The following SLC7A11 variants were observed in gnomAD, a reference collection of about 807,000 sequenced individuals.
SLC7A11 encodes cystine/glutamate transporter.
In SLC7A11, 35 loss-of-function variants were observed where a neutral mutation model predicts 54.5. The observed-to-expected ratio is 0.64, with a 90% CI of 0.49 to 0.85. The LOEUF (loss-of-function observed/expected upper bound fraction) is 0.85, where lower values mean the gene tolerates loss of function less well. Ranked by LOEUF, SLC7A11 falls within the 40% of genes least tolerant of loss-of-function variation. The probability of loss-of-function intolerance (pLI) is 0.00; values close to 1 mark genes in which losing one functional copy is unlikely to be tolerated. For missense variants in SLC7A11, 583 were observed against 618.1 expected (o/e 0.94, Z 0.60); for synonymous variants, 230 against 225.2 (o/e 1.02, Z -0.19).
chr4:138,231,313 A>G (rs551503946), intron 3 of SLC7A11, among the ~76,000 whole-genome samples: 66 of 150,952 alleles, frequency 4.4e-4, no homozygotes, highest in African/African-American at 1.5e-3. Context: ...ACACAACTGC[A>G]CTGTACCCCC....
rs1324399885 is a variant in SLC7A11, at chr4:138,170,000, T to C, written c.*1956A>G. The C allele has an allele frequency of 6.6e-6, 1 of 151,632 alleles. No homozygotes were observed. Among genetic ancestry groups the C allele is most frequent in the African/African-American group, 2.4e-5 (1 of 41,320 alleles). 9.4% of individuals were successfully genotyped at this position (151,632 alleles called of 1,614,324 possible). A position where few individuals can be genotyped will look rare whatever the true frequency, so the allele number is the denominator to read the frequency against. On this transcript the variant is annotated 3_prime_UTR_variant, in exon 12 of 12. Coordinates refer to ENST00000280612, the MANE Select transcript of SLC7A11 (RefSeq NM_014331.4). ...AAATGCTCCAAATTATAGGTCATCA[T>C]TTCTACTTTGGACAATTTTTTATGA...
chr4:138,201,295 C>A (rs1737280496), intron 6 of SLC7A11, among the ~76,000 whole-genome samples: 1 of 152,020 alleles, frequency 6.6e-6, no homozygotes. Flanking sequence ...TTGATCACTG[C>A]ATTCTCAATA....
At chr4:138,234,648 T>C (rs946048503) in intron 2 of SLC7A11, among the ~76,000 whole-genome samples, 4 of 152,226 alleles carry the variant, frequency 2.6e-5, no homozygotes, top group African/African-American at 7.2e-5. Context: ...GATCTCTTTT[T>C]ATTGCCATTT....
rs1043369824 is a variant in SLC7A11 at position 138,166,271 on chromosome 4, C to G, written c.*5685G>C. 1 of 152,042 alleles carries G rather than the reference C, an allele frequency of 6.6e-6. No homozygotes were observed. The highest frequency in any genetic ancestry group is 1.5e-5 in the Non-Finnish European group (1 of 68,000). 9.4% of individuals were successfully genotyped at this position (152,042 alleles called of 1,614,324 possible). On this transcript the variant is annotated 3_prime_UTR_variant, in exon 12 of 12. Coordinates refer to ENST00000280612, the MANE Select transcript of SLC7A11 (RefSeq NM_014331.4). ...AATTTGATGTCTAAATTTTATAATA[C>G]ACATTTAAGTCAGACCACTCACAAC...
intron 3 of SLC7A11, among the ~76,000 whole-genome samples, chr4:138,225,162 ATATAT>A (rs1737916401): frequency 6.9e-6 from 1 of 145,788 alleles, no homozygotes; most frequent in Non-Finnish European, 1.5e-5. Context: ...ATATATATAT[ATATAT>A]ATATAAATAA....
At chr4:138,218,716 C>A (rs1274920805) in intron 5 of SLC7A11, among the ~76,000 whole-genome samples, 1 of 152,058 alleles carries the variant, frequency 6.6e-6, no homozygotes, top group Non-Finnish European at 1.5e-5. Context: ...ATGTAAGGTC[C>A]TTTTAAATGT....
At chr4:138,182,519 C>T in intron 8 of SLC7A11, 126 bp from the exon 9 acceptor site, 1 of 605,654 alleles carries the variant, frequency 1.7e-6, no homozygotes, top group East Asian at 2.8e-5. Flanking sequence ...TAGGTGATTG[C>T]CTAAGTTCAC....
rs1259875038 is a variant in SLC7A11, at chr4:138,219,307, C to T, written c.705G>A (p.Leu235=). Residue 235 remains leucine (L), a synonymous_variant, in exon 5 of 12, where the codon TTG becomes TTA. Transcript: ENST00000280612. The part of the protein sequence containing the change: ...FSGRDSSITR[L]PLAFYYGMYA... Reference sequence around the variant, plus strand: ...ACATTCCATAATAAAAAGCCAGTGGCAACCGCGTAATACTTGAATCTCTTC... The same window carrying T: ...ACATTCCATAATAAAAAGCCAGTGGTAACCGCGTAATACTTGAATCTCTTC... 2 of 1,611,440 alleles carry T rather than the reference C, an allele frequency of 1.2e-6. No individual in the cohort carries two copies. Among genetic ancestry groups the T allele is most frequent in the Admixed American group, 3.3e-5 (2 of 59,944 alleles).
intron 5 of SLC7A11, among the ~76,000 whole-genome samples, chr4:138,215,568 C>T (rs1425655360): frequency 6.6e-6 from 1 of 152,130 alleles, no homozygotes; most frequent in South Asian, 2.1e-4. Context: ...GTAGCAGTAA[C>T]GGTGATCTAA....
intron 4 of SLC7A11, among the ~76,000 whole-genome samples, chr4:138,222,586 A>G (rs555528896): frequency 4.6e-5 from 7 of 152,336 alleles, no homozygotes; most frequent in Admixed American, 4.6e-4. Context: ...CTTTTTTTAA[A>G]TTAAATGTTA....
intron 2 of SLC7A11, among the ~76,000 whole-genome samples, chr4:138,235,276 T>A (rs1229631319): frequency 6.6e-6 from 1 of 152,124 alleles, no homozygotes; most frequent in Admixed American, 6.6e-5. Flanking sequence ...AGTGCATTCC[T>A]GATAGAGGAA....
chr4:138,236,426 T>C lies in SLC7A11; in HGVS notation c.303A>G (p.Gly101=), dbSNP rs1287326915. ...LFGALSYAEL[G]TTIKKSGGHY... ...GACCTCCAGATTTCTTTATAGTTGT[T>C]CCCAATTCAGCATAAGACAAAGCTC... The change falls in exon 2 of 12, where the codon GGA becomes GGG. Residue 101 remains glycine, a synonymous_variant. Transcript: ENST00000280612. 6.2e-6 allele frequency: 10 copies of C among 1,611,330 alleles called. No individual in the cohort carries two copies. In the Admixed American group the frequency reaches 1.7e-4, roughly 27 times the overall value.
intron 2 of SLC7A11, among the ~76,000 whole-genome samples, chr4:138,234,818 T>C (rs1409099543): frequency 6.6e-6 from 1 of 152,050 alleles, no homozygotes; most frequent in African/African-American, 2.4e-5. Context: ...GAAGACGGAG[T>C]CAAGTCCAAC....
At chr4:138,215,258 C>A (rs1737653272) in intron 5 of SLC7A11, among the ~76,000 whole-genome samples, 1 of 152,058 alleles carries the variant, frequency 6.6e-6, no homozygotes, top group Admixed American at 6.6e-5. Flanking sequence ...ATCATATATT[C>A]AATATAATCT....
chr4:138,212,505 A>G (rs1737572929), intron 6 of SLC7A11, among the ~76,000 whole-genome samples: 1 of 151,406 alleles, frequency 6.6e-6, no homozygotes, highest in African/African-American at 2.4e-5. Context: ...TCTTTGCAAC[A>G]GAAAAAAAAA....
intron 1 of SLC7A11, among the ~76,000 whole-genome samples, chr4:138,240,756 G>T (rs1018724117): frequency 1.3e-5 from 2 of 152,212 alleles, no homozygotes; most frequent in African/African-American, 4.8e-5. Flanking sequence ...TTAAGACAAA[G>T]AGCAACTTTA....
intron 3 of SLC7A11, among the ~76,000 whole-genome samples, chr4:138,231,337 T>A (rs1391680609): frequency 6.6e-6 from 1 of 152,168 alleles, no homozygotes; most frequent in Admixed American, 6.6e-5. Flanking sequence ...ATCTATTTTT[T>A]AAATTTTAAT....
chr4:138,185,115 A>G lies in SLC7A11; in HGVS notation c.915+6T>C, dbSNP rs1470493768. The G allele has an allele frequency of 1.2e-6, 2 of 1,612,574 alleles. No individual in the cohort carries two copies. Among genetic ancestry groups the G allele is most frequent in the Non-Finnish European group, 8.5e-7 (1 of 1,178,976 alleles). ...TCCAATTGGCATTTTCCCAACTTGG[A>G]CTTACCACTGCCACTGCATTTGAAA... On this transcript the variant is annotated splice_donor_region_variant and intron_variant, in intron 7 of 11. Coordinates refer to ENST00000280612, the MANE Select transcript of SLC7A11 (RefSeq NM_014331.4).
intron 6 of SLC7A11, among the ~76,000 whole-genome samples, chr4:138,208,686 T>C (rs1265923323): frequency 6.6e-6 from 1 of 152,090 alleles, no homozygotes; most frequent in Non-Finnish European, 1.5e-5. Context: ...GATTCTATCA[T>C]CTTCATGGTC....
Sources: gnomAD v4.1 joint callset for allele counts (sites outside exome capture counted in the v4.1 genomes callset) on GRCh38, gnomAD v4.1.1 for gene constraint, MANE v1.5 for transcripts, NCBI Gene and HGNC (gene_info 2026-07-23, HGNC 2026-07-21) for gene names.